The following TNS3 variants were observed in gnomAD, a reference collection of about 807,000 sequenced individuals.
TNS3 encodes tensin-3.
A neutral mutation model predicts 140.9 loss-of-function variants in TNS3; 45 were observed. The observed-to-expected ratio is 0.32, with a 90% CI of 0.25 to 0.41. TNS3 has a LOEUF of 0.41. Ranked by LOEUF, TNS3 falls within the 10% of genes least tolerant of loss-of-function variation. TNS3 has a pLI of 1.00. For synonymous variants in TNS3, 815 were observed against 788.4 expected (o/e 1.03, Z -0.56); for missense variants, 1,716 against 1,906.7 (o/e 0.90, Z 1.86).
intron 10 of TNS3, among the ~76,000 whole-genome samples, chr7:47,415,916 G>A (rs1794055516): frequency 6.6e-6 from 1 of 152,234 alleles, no homozygotes; most frequent in South Asian, 2.1e-4. Flanking sequence ...GCATCTGACT[G>A]CTGGGGTCCT....
At chr7:47,359,516 T>C (rs996290876) in intron 17 of TNS3, among the ~76,000 whole-genome samples, 1 of 152,200 alleles carries the variant, frequency 6.6e-6, no homozygotes, top group African/African-American at 2.4e-5. Flanking sequence ...CACTGAACAG[T>C]ACACTTAAAA....
At chr7:47,351,905 T>G (rs1789696794) in intron 17 of TNS3, among the ~76,000 whole-genome samples, 1 of 152,024 alleles carries the variant, frequency 6.6e-6, no homozygotes. Context: ...CACACCCACA[T>G]ACTCACATGC....
At chr7:47,376,596 G>A (rs1046664658) in intron 16 of TNS3, among the ~76,000 whole-genome samples, 1 of 152,060 alleles carries the variant, frequency 6.6e-6, no homozygotes, top group East Asian at 1.9e-4. Context: ...TAACATTAAC[G>A]ATTTTTTTTA....
Position 47,579,772 on chromosome 7 carries a change from C to T in TNS3, c.-265+2279G>A, listed in dbSNP as rs545452059. On this transcript the variant is annotated intron_variant, in intron 1 of 30. Coordinates refer to ENST00000311160, the MANE Select transcript of TNS3 (RefSeq NM_022748.12). ...TATTTTACTCATCTGTAAAATGGGT[C>T]CTTGTGTAGAGTCCTAAGCAGATAT... 102 of 886,604 alleles carry T rather than the reference C, an allele frequency of 1.2e-4. 1 individual carries two copies. In the African/African-American group the frequency reaches 1.7e-3, roughly 15 times the overall value. The allele number at this position is 886,604 out of a possible 1,614,324, so 54.9% of individuals were successfully genotyped here. A position where few individuals can be genotyped will look rare whatever the true frequency, so the allele number is the denominator to read the frequency against.
rs755015896 is a variant in TNS3 at position 47,346,284 on chromosome 7, C to G, written c.2354G>C (p.Gly785Ala). 21 of 1,614,198 alleles carry G rather than the reference C, an allele frequency of 1.3e-5. 1 individual carries two copies. The East Asian group carries it at 4.5e-4, about 34-fold the overall frequency. Residue 785 changes from glycine to alanine, a missense_variant, in exon 18 of 31, where the codon GGG (glycine) becomes GCG (alanine). This residue lies in a region of TNS3 where 1,163 missense variants were observed against 1,182.1 expected (regional missense o/e 0.98). Coordinates refer to ENST00000311160, the MANE Select transcript of TNS3 (RefSeq NM_022748.12). ...LSLGQYDNDA[G>A]GQLPFSKCAW... ...ACATTTGGAGAAGGGCAGCTGCCCC[C>G]CAGCATCGTTGTCGTACTGCCCCAG...
At chr7:47,530,642 G>A (rs538415458) in intron 1 of TNS3, among the ~76,000 whole-genome samples, 144 of 150,898 alleles carry the variant, frequency 9.5e-4, no homozygotes, top group Non-Finnish European at 1.7e-3. Flanking sequence ...TGGCCAACAC[G>A]GTGAAACCCC....
At chr7:47,570,963 A>G (rs1800540504) in intron 1 of TNS3, among the ~76,000 whole-genome samples, 6 of 152,232 alleles carry the variant, frequency 3.9e-5, no homozygotes, top group Admixed American at 3.9e-4. Context: ...ACTGGGCCTC[A>G]GAACAGAGGG....
At chr7:47,318,078 C>T (rs575835954) in intron 20 of TNS3, among the ~76,000 whole-genome samples, 1 of 152,186 alleles carries the variant, frequency 6.6e-6, no homozygotes, top group Non-Finnish European at 1.5e-5. Flanking sequence ...ACTCTTTCCC[C>T]ATTGAAATAA....
intron 13 of TNS3, among the ~76,000 whole-genome samples, chr7:47,410,617 A>G (rs896029754): frequency 1.3e-5 from 2 of 152,230 alleles, no homozygotes; most frequent in African/African-American, 2.4e-5. Flanking sequence ...CCAGCAAGGT[A>G]GGGAGTTCAC....
At chr7:47,524,577 T>C (rs960282563) in intron 2 of TNS3, among the ~76,000 whole-genome samples, 5 of 145,310 alleles carry the variant, frequency 3.4e-5, no homozygotes, top group African/African-American at 1.3e-4. Context: ...CCGAGGCGGG[T>C]GGATCATGAG....
chr7:47,301,916 C>T (rs1367893499), intron 23 of TNS3, among the ~76,000 whole-genome samples: 1 of 152,164 alleles, frequency 6.6e-6, no homozygotes, highest in East Asian at 1.9e-4. Context: ...GTGCAAGCAG[C>T]CAGAAATTAC....
intron 20 of TNS3, among the ~76,000 whole-genome samples, chr7:47,343,606 C>G (rs577466325): frequency 9.8e-5 from 15 of 152,304 alleles, no homozygotes; most frequent in African/African-American, 3.6e-4. Context: ...GTGGAAGGGA[C>G]ATCCCTCTTT....
intron 10 of TNS3, among the ~76,000 whole-genome samples, chr7:47,423,881 G>A (rs959793094): frequency 5.9e-5 from 9 of 152,186 alleles, no homozygotes; most frequent in African/African-American, 2.2e-4. Flanking sequence ...GTGCAAGCCA[G>A]CAGCATAGGG....
At chr7:47,344,333 A>G (rs1029444060) in intron 20 of TNS3, among the ~76,000 whole-genome samples, 2 of 152,178 alleles carry the variant, frequency 1.3e-5, no homozygotes, top group Non-Finnish European at 2.9e-5. Flanking sequence ...GCACCCACTA[A>G]TAACAGACAG....
Position 47,435,366 on chromosome 7 carries a change from G to A in TNS3, c.240C>T (p.Pro80=), listed in dbSNP as rs1300436328. Residue 80 remains proline (P), a synonymous_variant, in exon 8 of 31, where the codon CCC becomes CCT. Coordinates refer to ENST00000311160, the MANE Select transcript of TNS3 (RefSeq NM_022748.12). ...TGCATATGGTACACATCTTATCCAG[G>A]GGCGGTGCGTGGAGCTCTGGCCAGC... ...DVGWPELHAP[P]LDKMCTICKA... 3 of 1,614,030 alleles carry A rather than the reference G, an allele frequency of 1.9e-6. No homozygotes were observed. The highest frequency in any genetic ancestry group is 2.5e-6 in the Non-Finnish European group (3 of 1,180,014).
intron 16 of TNS3, among the ~76,000 whole-genome samples, chr7:47,386,814 A>G (rs1464042171): frequency 6.6e-6 from 1 of 152,258 alleles, no homozygotes; most frequent in Non-Finnish European, 1.5e-5. Context: ...TTTCTTACAT[A>G]ACAGCACAAG....
chr7:47,448,258 G>T (rs1795846973), intron 4 of TNS3, among the ~76,000 whole-genome samples: 1 of 152,232 alleles, frequency 6.6e-6, no homozygotes, highest in African/African-American at 2.4e-5. Context: ...AGGGAGGAGG[G>T]AAGAGTGAAA....
At chr7:47,340,031 G>GTA (rs1455432577) in intron 20 of TNS3, among the ~76,000 whole-genome samples, 4 of 120,390 alleles carry the variant, frequency 3.3e-5, no homozygotes, top group Non-Finnish European at 6.6e-5. Context: ...ATAAATATAT[G>GTA]TATACATATG....
At chr7:47,512,943 CT>C (rs1232491923) in intron 2 of TNS3, among the ~76,000 whole-genome samples, 1 of 151,986 alleles carries the variant, frequency 6.6e-6, no homozygotes. Flanking sequence ...AACATTACAA[CT>C]TTTGCGTGAC....
Sources: allele counts gnomAD v4.1 joint callset (sites outside exome capture counted in the v4.1 genomes callset), GRCh38; gene constraint gnomAD v4.1.1; regional missense constraint gnomAD v4.1.1; transcripts MANE v1.5; gene names NCBI Gene and HGNC (gene_info 2026-07-23, HGNC 2026-07-21).